Variants in DNAH14 observed in about 807,000 individuals in gnomAD.
DNAH14 encodes dynein axonemal heavy chain 14, also known as axonemal beta dynein heavy chain 14.
In DNAH14, 478 loss-of-function variants were observed where a neutral mutation model predicts 520.9. The ratio of observed to expected loss-of-function variants is 0.92; its 90% confidence interval spans 0.85 to 0.99. DNAH14 has a LOEUF of 0.99. DNAH14 is among the 50% of genes least tolerant of loss of function. The pLI is 0.00. For synonymous variants in DNAH14, 1,581 were observed against 1,757.2 expected (o/e 0.90, Z 2.51); for missense variants, 4,831 against 5,234.5 (o/e 0.92, Z 2.38).
intron 21 of DNAH14, among the ~76,000 whole-genome samples, chr1:225,089,703 T>C (rs577535403): frequency 6.6e-6 from 1 of 152,224 alleles, no homozygotes; most frequent in Non-Finnish European, 1.5e-5. Flanking sequence ...CAATTTGCCA[T>C]ATTAAACATA....
intron 53 of DNAH14, among the ~76,000 whole-genome samples, chr1:225,276,476 A>G (rs763718246): frequency 1.3e-5 from 2 of 152,202 alleles, no homozygotes; most frequent in Non-Finnish European, 2.9e-5. Context: ...GGCTCTTTAC[A>G]TCTTTCCCAT....
chr1:225,129,003 A>G (rs928988475), intron 27 of DNAH14, among the ~76,000 whole-genome samples: 2 of 152,134 alleles, frequency 1.3e-5, no homozygotes, highest in African/African-American at 2.4e-5. Flanking sequence ...AAAAATCACA[A>G]GCATTCTTAT....
chr1:225,159,781 C>T (rs1477346057), intron 35 of DNAH14, among the ~76,000 whole-genome samples: 1 of 152,218 alleles, frequency 6.6e-6, no homozygotes, highest in East Asian at 1.9e-4. Context: ...GTCTGTTCTT[C>T]CCACTTTGAA....
chr1:225,340,411 T>C, intron 68 of DNAH14, 46 bp from the exon 69 acceptor site: 1 of 1,470,060 alleles, frequency 6.8e-7, no homozygotes, highest in African/African-American at 1.4e-5. Context: ...GTTCATTTTT[T>C]TCTTCTACAT....
At chr1:225,143,721 T>TA (rs149604003) in intron 28 of DNAH14, among the ~76,000 whole-genome samples, 11,070 of 151,592 alleles carry the variant, frequency 0.073, 633 homozygotes, top group East Asian at 0.24. Flanking sequence ...TTTTAATATT[T>TA]AAAAAAAAAC....
chr1:224,976,941 G>A (rs2061890739), intron 8 of DNAH14, among the ~76,000 whole-genome samples: 1 of 151,342 alleles, frequency 6.6e-6, no homozygotes. Context: ...GATTCCTCAG[G>A]GATCTGGAAC....
intron 36 of DNAH14, among the ~76,000 whole-genome samples, chr1:225,172,440 G>A (rs374139531): frequency 1.3e-5 from 2 of 152,066 alleles, no homozygotes; most frequent in African/African-American, 4.8e-5. Context: ...TCAATGTGCA[G>A]AAATCACAAG....
In DNAH14 at chr1:225,315,300, G is replaced by A. The variant is rs1158193421; in HGVS notation, c.9241-3283G>A. ...TTTTCAGCTCCATCAGGTCATTTAT[G>A]TTCTTCTCTAAACTAGTTATTCTAG... On this transcript the variant is annotated intron_variant, in intron 60 of 85. Coordinates refer to ENST00000682510, the MANE Select transcript of DNAH14 (RefSeq NM_001367479.1). Among the ~76,000 whole-genome samples the A allele has an allele frequency of 2.0e-5, 3 of 151,746 alleles. No individual in the cohort carries two copies. The East Asian group carries it at 5.9e-4, about 30-fold the overall frequency.
intron 54 of DNAH14, among the ~76,000 whole-genome samples, chr1:225,279,409 G>C (rs1227603009): frequency 3.3e-5 from 5 of 152,154 alleles, no homozygotes; most frequent in African/African-American, 7.2e-5. Context: ...TTAACTGAAG[G>C]CTAGTCTAGC....
chr1:225,004,207 A>G (rs1351944324), intron 9 of DNAH14, among the ~76,000 whole-genome samples: 1 of 152,196 alleles, frequency 6.6e-6, no homozygotes, highest in African/African-American at 2.4e-5. Context: ...CTTACAGTTC[A>G]TGGGAAGAAA....
intron 1 of DNAH14, among the ~76,000 whole-genome samples, chr1:224,930,076 C>G (rs1230414097): frequency 6.6e-6 from 1 of 152,206 alleles, no homozygotes; most frequent in South Asian, 2.1e-4. Flanking sequence ...GAGCTCTCAA[C>G]GCGAGGTTCT....
intron 41 of DNAH14, among the ~76,000 whole-genome samples, chr1:225,225,016 A>T (rs1021463234): frequency 6.6e-6 from 1 of 152,166 alleles, no homozygotes; most frequent in Non-Finnish European, 1.5e-5. Context: ...TGCTTGGCCC[A>T]TTGGCTTATG....
intron 54 of DNAH14, among the ~76,000 whole-genome samples, chr1:225,278,236 AAC>A (rs2093539623): frequency 6.6e-6 from 1 of 152,162 alleles, no homozygotes; most frequent in Non-Finnish European, 1.5e-5. Context: ...CTAACACCAA[AAC>A]TATTCTTTTA....
rs1457051627 is a variant in DNAH14, at chr1:225,265,325, A to G, written c.7366A>G (p.Ile2456Val). The change falls in exon 48 of 86, where the codon ATA (isoleucine) becomes GTA (valine). Residue 2456 changes from isoleucine to valine, a missense_variant. By Grantham distance (29) the Ile-to-Val change is conservative (BLOSUM62 3). Transcript: ENST00000682510. ...KTKEMILKKLIRRTKDTLGAP... is the reference protein window; with the variant it reads ...KTKEMILKKLVRRTKDTLGAP... ...CAAGGAGATGATTCTTAAGAAGTTA[A>G]TAAGAAGAACTAAAGATACTCTTGG... 4.5e-6 allele frequency: 7 copies of G among 1,542,598 alleles called. No homozygotes were observed. Among genetic ancestry groups the G allele is most frequent in the South Asian group, 2.5e-5 (2 of 81,378 alleles).
At chr1:225,121,551 T>C (rs1259212298) in intron 26 of DNAH14, among the ~76,000 whole-genome samples, 1 of 152,202 alleles carries the variant, frequency 6.6e-6, no homozygotes, top group African/African-American at 2.4e-5. Flanking sequence ...CATAATGTCC[T>C]CCAGGGTTAT....
chr1:225,034,962 C>T (rs1395728208), intron 11 of DNAH14, among the ~76,000 whole-genome samples: 1 of 151,960 alleles, frequency 6.6e-6, no homozygotes, highest in African/African-American at 2.4e-5. Context: ...GATCATCTCT[C>T]TTTTCTTCTT....
chr1:225,168,315 G>A lies in DNAH14; in HGVS notation c.5535+287G>A, dbSNP rs565917669. Among the ~76,000 whole-genome samples the A allele has an allele frequency of 5.3e-5, 8 of 152,304 alleles. No homozygotes were observed. In the East Asian group the frequency reaches 1.4e-3, roughly 26 times the overall value. Reference sequence around the variant, plus strand: ...CGCACTGGGGATTGTTGAACAGTGGGTGCAGTGCAGCGAGCGTGAGCCGAA... The same window carrying A: ...CGCACTGGGGATTGTTGAACAGTGGATGCAGTGCAGCGAGCGTGAGCCGAA... On this transcript the variant is annotated intron_variant, in intron 36 of 85. Coordinates refer to ENST00000682510, the MANE Select transcript of DNAH14 (RefSeq NM_001367479.1).
chr1:224,999,034 C>T (rs1283222147), intron 8 of DNAH14, among the ~76,000 whole-genome samples: 1 of 151,704 alleles, frequency 6.6e-6, no homozygotes, highest in African/African-American at 2.4e-5. Flanking sequence ...TTTCTTTGTT[C>T]TTTGTTCTGG....
In DNAH14 at chr1:224,991,084, CTTT is replaced by C. The variant is rs1197927461; in HGVS notation, c.831-11673_831-11671del. ...TTCCCTAATGATTAGTGATGTTGAGCTTTTTTTTTTTTTTTTTTTTTTTTTTTT... is the reference window on the plus strand; with the variant it reads ...TTCCCTAATGATTAGTGATGTTGAGCTTTTTTTTTTTTTTTTTTTTTTTTT... On this transcript the variant is annotated intron_variant, in intron 8 of 85. Transcript: ENST00000682510. Among the ~76,000 whole-genome samples the C allele has an allele frequency of 3.0e-4, 23 of 77,900 alleles. No homozygotes were observed. In the East Asian group the frequency reaches 5.2e-3, roughly 17 times the overall value. 51.1% of individuals were successfully genotyped at this position (77,900 alleles called of 152,430 possible).
Sources: gnomAD v4.1 joint callset for allele counts (sites outside exome capture counted in the v4.1 genomes callset) on GRCh38, gnomAD v4.1.1 for gene constraint, MANE v1.5 for transcripts, NCBI Gene and HGNC (gene_info 2026-07-23, HGNC 2026-07-21) for gene names.